PEPD: variants seen among roughly 807,000 people sequenced by gnomAD.
The protein encoded by PEPD is peptidase D.
Under a neutral mutation model 60.7 loss-of-function variants are expected in PEPD, and 53 were observed. The ratio of observed to expected loss-of-function variants is 0.87; its 90% CI spans 0.70 to 1.10. The LOEUF is 1.10. Ranked by LOEUF, PEPD falls within the 50% of genes least tolerant of loss-of-function variation. PEPD has a pLI of 0.00. For synonymous variants in PEPD, 267 were observed against 284.1 expected, an observed-to-expected ratio of 0.94 and a Z score of 0.60; for missense variants, 711 against 711.9, an observed-to-expected ratio of 1.00 and a Z score of 0.01.
At chr19:33,411,330 CGTGGT>C (rs1374760443) in intron 11 of PEPD, among the ~76,000 whole-genome samples, 2 of 152,172 alleles carry the variant, frequency 1.3e-5, no homozygotes, top group Non-Finnish European at 2.9e-5. Context: ...AAGATGCGAG[CGTGGT>C]GCCCCCTGAA....
At chr19:33,486,507 G>C (rs1970399440) in intron 6 of PEPD, among the ~76,000 whole-genome samples, 1 of 151,980 alleles carries the variant, frequency 6.6e-6, no homozygotes, top group South Asian at 2.1e-4. Context: ...GTGAGCCCAG[G>C]GGCCTCAGTC....
At chr19:33,489,909 G>A (rs1970465472) in intron 6 of PEPD, 87 bp downstream of exon 6, 2 of 797,868 alleles carry the variant, frequency 2.5e-6, no homozygotes, top group African/African-American at 1.7e-5. Context: ...CATAGTTCAT[G>A]TCTTATTTGT....
At chr19:33,442,746 A>T (rs1367389645) in intron 9 of PEPD, among the ~76,000 whole-genome samples, 2 of 151,970 alleles carry the variant, frequency 1.3e-5, no homozygotes, top group Non-Finnish European at 2.9e-5. Context: ...TAAAAATTTA[A>T]AAATAAATAA....
intron 11 of PEPD, among the ~76,000 whole-genome samples, chr19:33,404,546 A>G (rs1968575318): frequency 6.6e-6 from 1 of 152,252 alleles, no homozygotes; most frequent in Admixed American, 6.5e-5. Context: ...ACTGTTCTCC[A>G]GTGCAGACCA....
At chr19:33,519,788 A>G (rs1971097509) in intron 1 of PEPD, among the ~76,000 whole-genome samples, 2 of 152,260 alleles carry the variant, frequency 1.3e-5, no homozygotes, top group South Asian at 4.1e-4. Flanking sequence ...TTCTGGGGCC[A>G]GGCGTGGTGG....
intron 6 of PEPD, among the ~76,000 whole-genome samples, chr19:33,483,788 G>T (rs1970351334): frequency 6.6e-6 from 1 of 152,052 alleles, no homozygotes; most frequent in African/African-American, 2.4e-5. Context: ...CCAGCAGCCT[G>T]GGCAAGAGTG....
chr19:33,416,001 G>A (rs1968881942), intron 9 of PEPD, among the ~76,000 whole-genome samples: 5 of 152,226 alleles, frequency 3.3e-5, no homozygotes, highest in Admixed American at 2.6e-4. Context: ...TTTAGGCTTG[G>A]GGTGTGGACG....
chr19:33,479,967 T>C (rs1379946935), intron 6 of PEPD, among the ~76,000 whole-genome samples: 2 of 152,216 alleles, frequency 1.3e-5, no homozygotes, highest in South Asian at 2.1e-4. Flanking sequence ...GGTATTTCTG[T>C]TTTTAGGTCT....
chr19:33,477,757 C>T (rs1600146962), intron 7 of PEPD, among the ~76,000 whole-genome samples: 1 of 152,192 alleles, frequency 6.6e-6, no homozygotes, highest in South Asian at 2.1e-4. Flanking sequence ...CCATCTACCT[C>T]GTGCTGGAGC....
rs141184474 is a variant in PEPD, at chr19:33,410,109, C to T, written c.818+1563G>A. Reference sequence around the variant, plus strand: ...CCAGGATCCGTGGAGCCAGTGCTGTCGGGTAGGCCAGGGAGTCCACTAAGG... The same window carrying T: ...CCAGGATCCGTGGAGCCAGTGCTGTTGGGTAGGCCAGGGAGTCCACTAAGG... On this transcript the variant is annotated intron_variant, in intron 11 of 14. Coordinates refer to ENST00000244137, the MANE Select transcript of PEPD (RefSeq NM_000285.4). 3.4e-3 allele frequency among the ~76,000 whole-genome samples: 511 copies of T among 152,324 alleles called. 3 individuals are homozygous for T. Among genetic ancestry groups the T allele is most frequent in the African/African-American group, 0.012 (485 of 41,588 alleles).
At position 33,413,566 on chromosome 19, in the gene PEPD, C is replaced by T; in HGVS notation, c.740+9G>A. 2 of 1,542,726 alleles carry T rather than the reference C, an allele frequency of 1.3e-6. No homozygotes were observed. Among genetic ancestry groups the T allele is most frequent in the Non-Finnish European group, 1.8e-6 (2 of 1,135,044 alleles). Reference sequence around the variant, plus strand: ...GTCACCCCCAGGGGAGCCAGGGTGCCCCGCTTACCTGCCGCAGATGCAGGT... The same window carrying T: ...GTCACCCCCAGGGGAGCCAGGGTGCTCCGCTTACCTGCCGCAGATGCAGGT... On this transcript the variant is annotated intron_variant, in intron 10 of 14. Coordinates refer to ENST00000244137, the MANE Select transcript of PEPD (RefSeq NM_000285.4).
chr19:33,429,575 T>C (rs532155543), intron 9 of PEPD, among the ~76,000 whole-genome samples: 1 of 152,326 alleles, frequency 6.6e-6, no homozygotes, highest in South Asian at 2.1e-4. Flanking sequence ...AAAACTGTTA[T>C]TTAAAAGAAA....
chr19:33,430,390 C>T (rs1020931090), intron 9 of PEPD, among the ~76,000 whole-genome samples: 25 of 152,046 alleles, frequency 1.6e-4, no homozygotes, highest in African/African-American at 1.2e-4. Flanking sequence ...ACCTGGCTTC[C>T]GGGGGCAGTC....
At chr19:33,427,188 C>T (rs1040699298) in intron 9 of PEPD, among the ~76,000 whole-genome samples, 1 of 152,210 alleles carries the variant, frequency 6.6e-6, no homozygotes, top group African/African-American at 2.4e-5. Flanking sequence ...AGAGAGCAGC[C>T]TTGAGAAGAG....
chr19:33,421,463 G>C (rs1295737316), intron 9 of PEPD, among the ~76,000 whole-genome samples: 3 of 152,148 alleles, frequency 2.0e-5, no homozygotes, highest in African/African-American at 7.2e-5. Context: ...CTTATCAACA[G>C]ATACATGTAT....
chr19:33,451,463 T>C (rs916230428), intron 9 of PEPD, among the ~76,000 whole-genome samples: 1 of 152,172 alleles, frequency 6.6e-6, no homozygotes, highest in African/African-American at 2.4e-5. Flanking sequence ...ATGGCATACA[T>C]ATAAAAGTGA....
chr19:33,392,342 C>T (rs10853926), intron 12 of PEPD, among the ~76,000 whole-genome samples: 28,948 of 152,236 alleles, frequency 0.19, 3,069 homozygotes, highest in African/African-American at 0.29. Flanking sequence ...CAGCAGCCCA[C>T]GGGTGCGCCC....
chr19:33,489,494 T>A (rs1198421614), intron 6 of PEPD, among the ~76,000 whole-genome samples: 1 of 151,966 alleles, frequency 6.6e-6, no homozygotes, highest in Non-Finnish European at 1.5e-5. Context: ...CCGGGTGTAG[T>A]GGCGGGTGCC....
intron 4 of PEPD, 141 bp downstream of exon 4, chr19:33,500,797 C>T (rs1323773900): frequency 1.7e-5 from 13 of 750,772 alleles, no homozygotes; most frequent in Non-Finnish European, 3.2e-5. Flanking sequence ...CAAATGGGAG[C>T]ACCTGCGGCG....
Sources: allele counts gnomAD v4.1 joint callset (sites outside exome capture counted in the v4.1 genomes callset), GRCh38; gene constraint gnomAD v4.1.1; transcripts MANE v1.5; gene names NCBI Gene and HGNC (gene_info 2026-07-23, HGNC 2026-07-21).